Variants in RANBP2 observed in about 807,000 individuals in gnomAD.
RANBP2 encodes RAN binding protein 2, also known as E3 SUMO-protein ligase RanBP2.
A neutral mutation model predicts 303.6 loss-of-function variants in RANBP2; 57 were observed. That is an observed-to-expected ratio of 0.19 (90% confidence interval 0.15 to 0.23). The LOEUF (loss-of-function observed/expected upper bound fraction) is 0.23, where lower values mean the gene tolerates loss of function less well. Among genes scored for constraint, RANBP2 ranks in the 10% least tolerant of loss-of-function variants. The probability of loss-of-function intolerance (pLI) is 1.00; values close to 1 mark genes in which losing one functional copy is unlikely to be tolerated. For missense variants in RANBP2, 3,138 were observed against 3,780.8 expected, an observed-to-expected ratio of 0.83 and a Z score of 4.46; for synonymous variants, 1,167 against 1,301.5, an observed-to-expected ratio of 0.90 and a Z score of 2.23.
At chr2:109,050,506 C>T in the RANBP2 span, among the ~76,000 whole-genome samples, 6 of 152,208 alleles carry the variant, frequency 3.9e-5, no homozygotes, top group South Asian at 2.1e-4. Flanking sequence ...CCTCCTGTCT[C>T]GGCCTCCCAT....
chr2:109,708,903 G>A, the RANBP2 span, among the ~76,000 whole-genome samples: 1 of 152,036 alleles, frequency 6.6e-6, no homozygotes. Context: ...CTTGAACCCG[G>A]GAGGCAGGGG....
the RANBP2 span, among the ~76,000 whole-genome samples, chr2:108,912,421 C>T: frequency 2.0e-5 from 3 of 152,308 alleles, no homozygotes; most frequent in East Asian, 3.9e-4. Context: ...CTGTGCTGTC[C>T]ACCTGCCGCT....
chr2:109,454,713 A>G, the RANBP2 span, among the ~76,000 whole-genome samples: 1 of 152,198 alleles, frequency 6.6e-6, no homozygotes, highest in Non-Finnish European at 1.5e-5. Flanking sequence ...CATGGTGAGC[A>G]TACAGTAGGG....
At chr2:109,423,897 C>G in the RANBP2 span, among the ~76,000 whole-genome samples, 1 of 152,200 alleles carries the variant, frequency 6.6e-6, no homozygotes, top group South Asian at 2.1e-4. Flanking sequence ...GGACCCCAAG[C>G]AGGTGGGGAA....
At chr2:109,498,930 G>A in the RANBP2 span, among the ~76,000 whole-genome samples, 6 of 152,188 alleles carry the variant, frequency 3.9e-5, no homozygotes, top group African/African-American at 1.4e-4. Context: ...ACCTGGGGTC[G>A]CTAGGGCGCG....
chr2:109,123,319 T>TTCC, the RANBP2 span, among the ~76,000 whole-genome samples: 11 of 130,064 alleles, frequency 8.5e-5, no homozygotes, highest in South Asian at 5.6e-4. Flanking sequence ...CTTTTCTTTC[T>TTCC]TTCCTTCCTT....
the RANBP2 span, among the ~76,000 whole-genome samples, chr2:109,142,943 A>G: frequency 6.6e-6 from 1 of 152,094 alleles, no homozygotes; most frequent in Admixed American, 6.5e-5. Context: ...GATACAGCAC[A>G]TGGGTGGTAG....
chr2:109,283,530 G>A, the RANBP2 span, among the ~76,000 whole-genome samples: 1 of 152,116 alleles, frequency 6.6e-6, no homozygotes, highest in African/African-American at 2.4e-5. Flanking sequence ...GGGGAGGGAT[G>A]GGCCACCCAG....
the RANBP2 span, among the ~76,000 whole-genome samples, chr2:109,605,123 C>G: frequency 4.9e-4 from 74 of 152,176 alleles, no homozygotes; most frequent in African/African-American, 1.7e-3. Flanking sequence ...TCCATTGATT[C>G]CTTGAGACTT....
the RANBP2 span, chr2:109,127,244 A>T: frequency 6.6e-6 from 1 of 152,236 alleles, no homozygotes; most frequent in African/African-American, 2.4e-5. Flanking sequence ...TGTAATTGAG[A>T]TACTAAGATC....
intron 12 of RANBP2, among the ~76,000 whole-genome samples, chr2:108,752,483 A>G (rs547665982): frequency 1.3e-5 from 2 of 151,910 alleles, no homozygotes; most frequent in African/African-American, 4.8e-5. Context: ...TTAAAAGTTG[A>G]GTGTAGAGGC....
At chr2:108,927,893 C>A in the RANBP2 span, among the ~76,000 whole-genome samples, 3 of 152,302 alleles carry the variant, frequency 2.0e-5, no homozygotes, top group South Asian at 2.1e-4. Context: ...ACCTGAGTAT[C>A]CTCTTCTGAA....
At chr2:108,719,797 C>T in intron 1 of RANBP2, 119 bp downstream of exon 1, 1 of 1,494,492 alleles carries the variant, frequency 6.7e-7, no homozygotes, top group East Asian at 2.5e-5. Flanking sequence ...GAGGCGCCGG[C>T]CGGCTGGCGC....
chr2:109,681,719 C>T, the RANBP2 span, among the ~76,000 whole-genome samples: 1 of 152,212 alleles, frequency 6.6e-6, no homozygotes, highest in Non-Finnish European at 1.5e-5. Context: ...CTGTGGGGTC[C>T]TGGCATCCCC....
the RANBP2 span, among the ~76,000 whole-genome samples, chr2:108,861,829 G>A: frequency 5.3e-5 from 8 of 151,948 alleles, no homozygotes; most frequent in Admixed American, 3.3e-4. Flanking sequence ...GAGCCACCGC[G>A]CCCAGCCTAA....
At chr2:108,910,350 A>G in the RANBP2 span, 35 of 882,272 alleles carry the variant, frequency 4.0e-5, no homozygotes, top group Non-Finnish European at 6.5e-5. Flanking sequence ...GAACGTCCCC[A>G]TAGTGTCCCA....
chr2:108,723,892 CATTG>C (rs35910381), intron 1 of RANBP2, among the ~76,000 whole-genome samples: 54,159 of 151,128 alleles, frequency 0.36, 13,243 homozygotes, highest in African/African-American at 0.7. Context: ...CAGCTTAAAA[CATTG>C]ATTGATTGAT....
At chr2:109,727,934 G>T in the RANBP2 span, among the ~76,000 whole-genome samples, 1 of 152,136 alleles carries the variant, frequency 6.6e-6, no homozygotes, top group Non-Finnish European at 1.5e-5. Context: ...TCCTTATCAA[G>T]AGGCAAAGTC....
chr2:108,840,418 T>C, the RANBP2 span, among the ~76,000 whole-genome samples: 1 of 152,198 alleles, frequency 6.6e-6, no homozygotes, highest in African/African-American at 2.4e-5. Context: ...GTTCATTCTT[T>C]AAACATTTGG....
Sources: allele counts gnomAD v4.1 joint callset (sites outside exome capture counted in the v4.1 genomes callset), GRCh38; gene constraint gnomAD v4.1.1; transcripts MANE v1.5; gene names NCBI Gene and HGNC (gene_info 2026-07-23, HGNC 2026-07-21).